MDGA2: variants seen among roughly 807,000 people sequenced by gnomAD.
MDGA2 encodes MAM domain-containing glycosylphosphatidylinositol anchor protein 2.
A neutral mutation model predicts 117.8 loss-of-function variants in MDGA2; 40 were observed. That is an observed-to-expected ratio of 0.34 (90% CI 0.26 to 0.44). The LOEUF (loss-of-function observed/expected upper bound fraction) is 0.44, where lower values mean the gene tolerates loss of function less well. Ranked by LOEUF, MDGA2 falls within the 20% of genes least tolerant of loss-of-function variation. The probability of loss-of-function intolerance (pLI) is 1.00; values close to 1 mark genes in which losing one functional copy is unlikely to be tolerated. For synonymous variants in MDGA2, 452 were observed against 439.0 expected (o/e 1.03, Z -0.37); for missense variants, 1,123 against 1,250.6 (o/e 0.90, Z 1.54).
intron 7 of MDGA2, among the ~76,000 whole-genome samples, chr14:47,044,158 C>A (rs1427439598): frequency 1.3e-5 from 2 of 151,646 alleles, no homozygotes; most frequent in African/African-American, 4.8e-5. Context: ...GTAAGAAAAC[C>A]ATTGATTAAT....
intron 9 of MDGA2, among the ~76,000 whole-genome samples, chr14:46,955,638 A>G (rs1885537420): frequency 2.0e-5 from 3 of 152,018 alleles, no homozygotes; most frequent in Non-Finnish European, 4.4e-5. Context: ...TAGAATTTTA[A>G]AAGAAGAAAG....
chr14:47,322,314 G>A (rs956596725), intron 1 of MDGA2, among the ~76,000 whole-genome samples: 5 of 152,060 alleles, frequency 3.3e-5, no homozygotes, highest in Non-Finnish European at 7.4e-5. Context: ...TTCTTTAATA[G>A]GTATTCTACT....
At chr14:46,979,447 T>G (rs1886586373) in intron 8 of MDGA2, among the ~76,000 whole-genome samples, 1 of 152,156 alleles carries the variant, frequency 6.6e-6, no homozygotes, top group Admixed American at 6.6e-5. Flanking sequence ...TTAAACTTAC[T>G]AAGGAAATCA....
chr14:47,321,510 A>G (rs1301130703), intron 1 of MDGA2, among the ~76,000 whole-genome samples: 1 of 152,200 alleles, frequency 6.6e-6, no homozygotes, highest in Non-Finnish European at 1.5e-5. Context: ...ATTCAATGCC[A>G]GTTGTCTCCC....
chr14:47,320,691 A>G (rs1469530292), intron 1 of MDGA2, among the ~76,000 whole-genome samples: 3 of 152,106 alleles, frequency 2.0e-5, no homozygotes, highest in Non-Finnish European at 4.4e-5. Flanking sequence ...AGAAACTTGA[A>G]TTTTCCAAGT....
At chr14:47,386,068 G>A (rs768293340) in intron 1 of MDGA2, among the ~76,000 whole-genome samples, 27 of 152,160 alleles carry the variant, frequency 1.8e-4, no homozygotes, top group Non-Finnish European at 3.4e-4. Context: ...GATCACCTGA[G>A]GTCAGGAGTT....
chr14:47,444,457 C>T (rs1893079930), intron 1 of MDGA2: 3 of 196,696 alleles, frequency 1.5e-5, no homozygotes, highest in Non-Finnish European at 1.1e-5. Context: ...ATTGTTATTG[C>T]TCTTGAGAGC....
chr14:46,964,954 C>T (rs1483294535), intron 8 of MDGA2, among the ~76,000 whole-genome samples: 21 of 92,502 alleles, frequency 2.3e-4, no homozygotes, highest in Non-Finnish European at 2.5e-4. Context: ...GACAGAGTCT[C>T]GCTCTGTCGT....
intron 1 of MDGA2, among the ~76,000 whole-genome samples, chr14:47,410,882 T>C (rs934547090): frequency 3.3e-5 from 5 of 152,182 alleles, no homozygotes; most frequent in Admixed American, 1.3e-4. Flanking sequence ...TCACTGCTAG[T>C]TATTGAAAAT....
chr14:47,085,738 A>C (rs1890872860), intron 6 of MDGA2, among the ~76,000 whole-genome samples: 1 of 152,090 alleles, frequency 6.6e-6, no homozygotes, highest in African/African-American at 2.4e-5. Flanking sequence ...TGACAACTGA[A>C]CTGGCATATT....
chr14:47,022,906 T>C (rs888179521), intron 8 of MDGA2, among the ~76,000 whole-genome samples: 4 of 152,270 alleles, frequency 2.6e-5, no homozygotes, highest in East Asian at 1.9e-4. Context: ...TGAGTAGCCA[T>C]AGAGAATTTC....
chr14:46,954,437 T>C (rs1324556980), intron 9 of MDGA2, among the ~76,000 whole-genome samples: 1 of 152,072 alleles, frequency 6.6e-6, no homozygotes, highest in Non-Finnish European at 1.5e-5. Flanking sequence ...AAAAACTATC[T>C]TCTCACAAGT....
intron 8 of MDGA2, among the ~76,000 whole-genome samples, chr14:46,991,819 C>G (rs1887103161): frequency 1.3e-5 from 2 of 152,040 alleles, no homozygotes; most frequent in Non-Finnish European, 2.9e-5. Context: ...ATATTTTGTG[C>G]CTTCAATACA....
At chr14:47,069,131 G>A (rs1402079572) in intron 6 of MDGA2, among the ~76,000 whole-genome samples, 1 of 152,106 alleles carries the variant, frequency 6.6e-6, no homozygotes, top group East Asian at 1.9e-4. Context: ...TTGATAAAAT[G>A]GTGAAATACC....
intron 1 of MDGA2, among the ~76,000 whole-genome samples, chr14:47,671,684 A>C (rs1898078589): frequency 6.6e-6 from 1 of 152,216 alleles, no homozygotes; most frequent in African/African-American, 2.4e-5. Context: ...ATGCTAGCAA[A>C]GTTCCTGTCT....
At chr14:47,265,814 C>T (rs913942468) in intron 2 of MDGA2, among the ~76,000 whole-genome samples, 4 of 152,176 alleles carry the variant, frequency 2.6e-5, no homozygotes, top group Non-Finnish European at 4.4e-5. Context: ...TAAACTAATG[C>T]GCCCAAGTTC....
At chr14:47,198,676 A>T (rs1482902291) in intron 3 of MDGA2, among the ~76,000 whole-genome samples, 2 of 152,242 alleles carry the variant, frequency 1.3e-5, no homozygotes, top group Non-Finnish European at 2.9e-5. Flanking sequence ...TAAAGCTTTC[A>T]ACCAGACTCA....
intron 1 of MDGA2, among the ~76,000 whole-genome samples, chr14:47,301,847 C>G (rs569146201): frequency 6.6e-6 from 1 of 152,074 alleles, no homozygotes; most frequent in South Asian, 2.1e-4. Context: ...GTGAGAAGGT[C>G]CCTTCCTTTC....
chr14:47,629,741 G>C (rs1012757917), intron 1 of MDGA2, among the ~76,000 whole-genome samples: 1 of 152,110 alleles, frequency 6.6e-6, no homozygotes, highest in African/African-American at 2.4e-5. Flanking sequence ...AAAATTAGGT[G>C]CATCCTTTCT....
Sources: allele counts gnomAD v4.1 joint callset (sites outside exome capture counted in the v4.1 genomes callset), GRCh38; gene constraint gnomAD v4.1.1; transcripts MANE v1.5; gene names NCBI Gene and HGNC (gene_info 2026-07-23, HGNC 2026-07-21).